Variants in FTO observed in about 807,000 individuals in gnomAD.
The protein encoded by FTO is FTO alpha-ketoglutarate dependent dioxygenase.
In FTO, 47 loss-of-function variants were observed where a neutral mutation model predicts 63.9. That is an observed-to-expected ratio of 0.74 (90% CI 0.58 to 0.94). FTO has a LOEUF of 0.94. Among genes scored for constraint, FTO ranks in the 40% least tolerant of loss-of-function variants. The probability of loss-of-function intolerance (pLI) is 0.00; values close to 1 mark genes in which losing one functional copy is unlikely to be tolerated. For missense variants in FTO, 562 were observed against 618.1 expected, an observed-to-expected ratio of 0.91 and a Z score of 0.96; for synonymous variants, 207 against 224.4, an observed-to-expected ratio of 0.92 and a Z score of 0.69.
chr16:53,846,520 G>T (rs1182117184), intron 4 of FTO, among the ~76,000 whole-genome samples: 1 of 152,054 alleles, frequency 6.6e-6, no homozygotes, highest in Non-Finnish European at 1.5e-5. Flanking sequence ...TATAAAAGTG[G>T]CTGGGTGCTA....
intron 8 of FTO, among the ~76,000 whole-genome samples, chr16:54,108,415 C>A (rs373548716): frequency 1.4e-4 from 21 of 152,260 alleles, no homozygotes; most frequent in African/African-American, 5.1e-4. Flanking sequence ...AATACATAAG[C>A]CTCAGGGTCT....
At chr16:53,858,645 G>C (rs757085762) in intron 4 of FTO, among the ~76,000 whole-genome samples, 1 of 151,902 alleles carries the variant, frequency 6.6e-6, no homozygotes, top group Non-Finnish European at 1.5e-5. Context: ...ATTGATTTTT[G>C]CTTTGCTTTC....
At chr16:53,790,579 C>CAAAAAAAAAAAAAAAAAAA (rs34860208) in intron 1 of FTO, among the ~76,000 whole-genome samples, 1 of 55,224 alleles carries the variant, frequency 1.8e-5, no homozygotes, top group Non-Finnish European at 3.2e-5. Context: ...CAAAATAAAG[C>CAAAAAAAAAAAAAAAAAAA]AAAAAAAAAA....
intron 8 of FTO, among the ~76,000 whole-genome samples, chr16:54,049,593 C>T (rs1342776933): frequency 6.6e-6 from 1 of 152,154 alleles, no homozygotes; most frequent in African/African-American, 2.4e-5. Context: ...TGAGGAAATA[C>T]CAGATGAAAT....
chr16:53,908,975 C>A (rs1203753525), intron 7 of FTO, among the ~76,000 whole-genome samples: 1 of 151,950 alleles, frequency 6.6e-6, no homozygotes, highest in East Asian at 1.9e-4. Context: ...CCTTTGAGTC[C>A]CCAAGAAAAT....
At chr16:53,760,955 G>A (rs192078087) in intron 1 of FTO, among the ~76,000 whole-genome samples, 1 of 151,892 alleles carries the variant, frequency 6.6e-6, no homozygotes, top group African/African-American at 2.4e-5. Flanking sequence ...TGACTTTGAC[G>A]ATTTATTTTT....
At position 53,784,047 on chromosome 16, in the gene FTO, A is replaced by G. The variant is rs192156797; in HGVS notation, c.46-26093A>G. 4.9e-4 allele frequency among the ~76,000 whole-genome samples: 74 copies of G among 152,318 alleles called. 1 individual carries two copies. Among genetic ancestry groups the G allele is most frequent in the African/African-American group, 1.8e-3 (73 of 41,570 alleles). ...CTGTATTGAAAAACAGTAACTCTATAGTCACTTACAATGAGCAGCCAAATC... is the reference window on the plus strand; with the variant it reads ...CTGTATTGAAAAACAGTAACTCTATGGTCACTTACAATGAGCAGCCAAATC... On this transcript the variant is annotated intron_variant, in intron 1 of 8. Transcript: ENST00000471389.
intron 8 of FTO, among the ~76,000 whole-genome samples, chr16:53,987,900 A>G (rs969881507): frequency 4.6e-5 from 7 of 152,338 alleles, no homozygotes; most frequent in African/African-American, 1.7e-4. Flanking sequence ...ATAAAATGCA[A>G]TTGTTAGAAA....
intron 8 of FTO, among the ~76,000 whole-genome samples, chr16:54,086,300 C>A (rs2086253692): frequency 6.6e-6 from 1 of 152,166 alleles, no homozygotes; most frequent in African/African-American, 2.4e-5. Flanking sequence ...CACAAGATTG[C>A]CCATTCCATC....
chr16:54,068,729 C>G (rs147021974), intron 8 of FTO, among the ~76,000 whole-genome samples: 1 of 152,094 alleles, frequency 6.6e-6, no homozygotes. Context: ...GGGGATTGGT[C>G]GGCTGATAGT....
intron 8 of FTO, among the ~76,000 whole-genome samples, chr16:54,085,829 G>T (rs2086244210): frequency 6.6e-6 from 1 of 152,078 alleles, no homozygotes; most frequent in South Asian, 2.1e-4. Context: ...CCTCTCTCTG[G>T]CTTCAGTCTC....
intron 7 of FTO, among the ~76,000 whole-genome samples, chr16:53,926,895 A>G (rs1469832965): frequency 6.6e-6 from 1 of 152,144 alleles, no homozygotes; most frequent in Non-Finnish European, 1.5e-5. Context: ...CCAAATGCCA[A>G]TAACCGAAGC....
intron 8 of FTO, among the ~76,000 whole-genome samples, chr16:53,980,828 GTTTCT>G (rs2083525699): frequency 6.6e-6 from 1 of 152,118 alleles, no homozygotes; most frequent in Non-Finnish European, 1.5e-5. Context: ...TAGCGGCATT[GTTTCT>G]CTTTCCCAAA....
At chr16:53,930,902 G>A (rs565921712) in intron 7 of FTO, among the ~76,000 whole-genome samples, 17 of 152,260 alleles carry the variant, frequency 1.1e-4, no homozygotes, top group South Asian at 6.2e-4. Flanking sequence ...AAAGAAGATA[G>A]CCTTCATTGT....
chr16:53,927,361 C>T (rs2082169008), intron 7 of FTO, among the ~76,000 whole-genome samples: 1 of 152,112 alleles, frequency 6.6e-6, no homozygotes, highest in East Asian at 1.9e-4. Context: ...GCAGTCACCA[C>T]TCTAGGGAAA....
intron 4 of FTO, among the ~76,000 whole-genome samples, chr16:53,864,022 C>T (rs912953861): frequency 2.6e-5 from 4 of 152,160 alleles, no homozygotes; most frequent in Admixed American, 6.5e-5. Context: ...AGGAATGGGA[C>T]GGGGCCTGTG....
At chr16:53,843,438 C>A (rs1362379348) in intron 3 of FTO, among the ~76,000 whole-genome samples, 1 of 152,080 alleles carries the variant, frequency 6.6e-6, no homozygotes, top group African/African-American at 2.4e-5. Context: ...ACATGCATTT[C>A]TTTTATGTGA....
At chr16:54,092,153 C>A (rs971327019) in intron 8 of FTO, among the ~76,000 whole-genome samples, 2 of 152,202 alleles carry the variant, frequency 1.3e-5, no homozygotes, top group Non-Finnish European at 2.9e-5. Context: ...CATGATGGCA[C>A]ATGCCTGTTG....
At chr16:54,050,067 C>T (rs1391007958) in intron 8 of FTO, among the ~76,000 whole-genome samples, 4 of 152,106 alleles carry the variant, frequency 2.6e-5, no homozygotes, top group Admixed American at 6.5e-5. Context: ...TGAGTGGGGG[C>T]CTGTGGGGCA....
Sources: gnomAD v4.1 joint callset for allele counts (sites outside exome capture counted in the v4.1 genomes callset) on GRCh38, gnomAD v4.1.1 for gene constraint, MANE v1.5 for transcripts, NCBI Gene and HGNC (gene_info 2026-07-23, HGNC 2026-07-21) for gene names.